PRKAR1A: variants seen among roughly 807,000 people sequenced by gnomAD.
The protein encoded by PRKAR1A is protein kinase cAMP-dependent type I regulatory subunit alpha, also known as cAMP-dependent protein kinase type I-alpha regulatory subunit.
In PRKAR1A, 3 loss-of-function variants were observed where a neutral mutation model predicts 52.0. That is an observed-to-expected ratio of 0.06 (90% CI 0.03 to 0.15). PRKAR1A has a LOEUF of 0.15. PRKAR1A is among the 10% of genes least tolerant of loss of function. PRKAR1A has a pLI of 1.00. For missense variants in PRKAR1A, 240 were observed against 477.4 expected, an observed-to-expected ratio of 0.50 and a Z score of 4.63; for synonymous variants, 188 against 168.4, an observed-to-expected ratio of 1.12 and a Z score of -0.90.
At chr17:68,519,182 T>C (rs1052336292) in intron 2 of PRKAR1A, among the ~76,000 whole-genome samples, 5 of 152,204 alleles carry the variant, frequency 3.3e-5, no homozygotes, top group Non-Finnish European at 4.4e-5. Flanking sequence ...TTTTTGGGTA[T>C]CCTTGTAACA....
At chr17:68,550,628 G>A (rs567695380) in intron 11 of PRKAR1A, among the ~76,000 whole-genome samples, 3 of 152,176 alleles carry the variant, frequency 2.0e-5, no homozygotes, top group Non-Finnish European at 4.4e-5. Context: ...TGATCCACCC[G>A]CCTTGGCCTA....
chr17:68,525,121 A>C (rs113453902), intron 6 of PRKAR1A, among the ~76,000 whole-genome samples, 163 bp downstream of exon 6: 147 of 152,244 alleles, frequency 9.7e-4, no homozygotes, highest in African/African-American at 3.3e-3. Flanking sequence ...GAAACTCTTT[A>C]AAGGTAATTT....
chr17:68,437,012 A>ATG, the PRKAR1A span, among the ~76,000 whole-genome samples: 362 of 82,066 alleles, frequency 4.4e-3, 1 homozygote, highest in African/African-American at 0.017. Flanking sequence ...AAAAATATAT[A>ATG]TATATGTGTG....
rs556453474 is a variant in PRKAR1A at position 68,532,335 on chromosome 17, A to G, written c.*1886A>G. The G allele has an allele frequency of 7.6e-6, 8 of 1,054,060 alleles. No individual in the cohort carries two copies. The African/African-American group carries it at 9.8e-5, about 13-fold the overall frequency. The allele number at this position is 1,054,060 out of a possible 1,614,324, so 65.3% of individuals were successfully genotyped here. A position where few individuals can be genotyped will look rare whatever the true frequency, so the allele number is the denominator to read the frequency against. ...TGCAGTTTCATGTATGTATATAATCATGCTCATGTATATTTAGTTACGTAT... is the reference window on the plus strand; with the variant it reads ...TGCAGTTTCATGTATGTATATAATCGTGCTCATGTATATTTAGTTACGTAT... On this transcript the variant is annotated 3_prime_UTR_variant, in exon 11 of 11. Transcript: ENST00000589228.
the PRKAR1A span, among the ~76,000 whole-genome samples, chr17:68,495,930 GTTTCC>G: frequency 3.7e-5 from 5 of 133,580 alleles, no homozygotes; most frequent in South Asian, 2.6e-4. Flanking sequence ...CCCTCTCTGC[GTTTCC>G]TTTCCTTTCC....
rs543585785 is a variant in PRKAR1A at position 68,521,675 on chromosome 17, C to T, written c.178-1081C>T. Among the ~76,000 whole-genome samples the T allele has an allele frequency of 1.2e-4, 19 of 152,324 alleles. No homozygotes were observed. The East Asian group carries it at 3.5e-3, about 28-fold the overall frequency. On this transcript the variant is annotated intron_variant, in intron 2 of 10. Coordinates refer to ENST00000589228, the MANE Select transcript of PRKAR1A (RefSeq NM_002734.5). ...AAACCATATTTTAAAAAGTAGGTTACATATTCACATATTTCAAAGTTGTGC... is the reference window on the plus strand; with the variant it reads ...AAACCATATTTTAAAAAGTAGGTTATATATTCACATATTTCAAAGTTGTGC...
chr17:68,497,690 C>G, the PRKAR1A span, among the ~76,000 whole-genome samples: 1 of 151,950 alleles, frequency 6.6e-6, no homozygotes, highest in Non-Finnish European at 1.5e-5. Flanking sequence ...TCTCATTTTA[C>G]AGATGAAAAA....
At chr17:68,420,390 A>T in the PRKAR1A span, 1 of 1,614,184 alleles carries the variant, frequency 6.2e-7, no homozygotes, top group Non-Finnish European at 8.5e-7. Context: ...TCCAGCGCAG[A>T]TTACACTCAG....
In PRKAR1A at chr17:68,530,416, G is replaced by A. The variant is rs2143391971; in HGVS notation, c.1113G>A (p.Gln371=). ...CAGACATCCTCAAACGAAACATCCA[G>A]CAGTACAACAGTTTTGTGTCACTGT... ...PCSDILKRNI[Q]QYNSFVSLSV The change falls in exon 11 of 11, where the codon CAG becomes CAA. Residue 371 remains glutamine, a synonymous_variant. Coordinates refer to ENST00000589228, the MANE Select transcript of PRKAR1A (RefSeq NM_002734.5). 8.1e-6 allele frequency: 13 copies of A among 1,614,096 alleles called. No homozygotes were observed. Among genetic ancestry groups the A allele is most frequent in the Non-Finnish European group, 1.1e-5 (13 of 1,179,968 alleles).
At position 68,524,001 on chromosome 17, in the gene PRKAR1A, T is replaced by C. The variant is rs2085702498; in HGVS notation, c.441-15T>C. 6.2e-7 allele frequency: 1 copy of C among 1,613,824 alleles called. No individual in the cohort carries two copies. The highest frequency in any genetic ancestry group is 1.7e-5 in the Admixed American group (1 of 60,002). ...GACATGTGAAATGTAACACGAGGCC[T>C]TCTCTCTTTTGCAGTGATATTTTTG... On this transcript the variant is annotated splice_polypyrimidine_tract_variant and intron_variant, in intron 4 of 10. Coordinates refer to ENST00000589228, the MANE Select transcript of PRKAR1A (RefSeq NM_002734.5).
the PRKAR1A span, among the ~76,000 whole-genome samples, chr17:68,419,323 G>A: frequency 1.3e-5 from 2 of 152,210 alleles, no homozygotes; most frequent in African/African-American, 4.8e-5. Flanking sequence ...CACTTTGGGA[G>A]GCCGAAGTGG....
At chr17:68,492,151 C>T in the PRKAR1A span, among the ~76,000 whole-genome samples, 1 of 152,224 alleles carries the variant, frequency 6.6e-6, no homozygotes, top group African/African-American at 2.4e-5. Flanking sequence ...AAGTGAAAGC[C>T]AAGTGGCTGA....
the PRKAR1A span, among the ~76,000 whole-genome samples, chr17:68,499,876 G>A: frequency 3.9e-5 from 6 of 152,160 alleles, no homozygotes; most frequent in African/African-American, 9.7e-5. Flanking sequence ...ATGCAGTTAC[G>A]ACTTTTGACT....
chr17:68,508,850 C>G (rs1359911509), upstream of PRKAR1A, among the ~76,000 whole-genome samples: 4 of 152,006 alleles, frequency 2.6e-5, no homozygotes, highest in East Asian at 7.7e-4. Flanking sequence ...TGAGCATTTG[C>G]CAGTGAGAAA....
chr17:68,510,774 A>C (rs2085253370), upstream of PRKAR1A, among the ~76,000 whole-genome samples: 1 of 152,126 alleles, frequency 6.6e-6, no homozygotes, highest in Non-Finnish European at 1.5e-5. Context: ...TCCCTTTTCC[A>C]TTCCCCCCTG....
intron 1 of PRKAR1A, among the ~76,000 whole-genome samples, chr17:68,513,628 A>G (rs1380387923): frequency 6.6e-6 from 1 of 152,216 alleles, no homozygotes; most frequent in Non-Finnish European, 1.5e-5. Context: ...TGGGCTTTAC[A>G]AATAAGTACA....
Position 68,515,381 on chromosome 17 carries a change from T to G in PRKAR1A, c.-6-13T>G, listed in dbSNP as rs762143557. The G allele has an allele frequency of 2.9e-5, 47 of 1,612,606 alleles. No homozygotes were observed. The highest frequency in any genetic ancestry group is 2.0e-4 in the African/African-American group (15 of 74,886). The stretch of plus-strand genomic sequence containing the variant: ...ATAGTTTATACAAGCATGTGTGTGT[T>G]TTTTTCTCGCAGAGAACCATGGAGT... On this transcript the variant is annotated splice_polypyrimidine_tract_variant and intron_variant, in intron 1 of 10. Coordinates refer to ENST00000589228, the MANE Select transcript of PRKAR1A (RefSeq NM_002734.5).
At chr17:68,483,164 T>C in the PRKAR1A span, among the ~76,000 whole-genome samples, 1 of 152,086 alleles carries the variant, frequency 6.6e-6, no homozygotes, top group South Asian at 2.1e-4. Flanking sequence ...AAGTTCATAT[T>C]GGTTCATACA....
chr17:68,468,608 T>A, the PRKAR1A span, among the ~76,000 whole-genome samples: 1 of 152,226 alleles, frequency 6.6e-6, no homozygotes, highest in Non-Finnish European at 1.5e-5. Context: ...TTGGTACCTA[T>A]TATGTCCATG....
Sources: allele counts gnomAD v4.1 joint callset (sites outside exome capture counted in the v4.1 genomes callset), GRCh38; gene constraint gnomAD v4.1.1; transcripts MANE v1.5; gene names NCBI Gene and HGNC (gene_info 2026-07-23, HGNC 2026-07-21).